Variants in TRIM37 observed in about 807,000 individuals in gnomAD.
TRIM37 encodes tripartite motif containing 37.
In TRIM37, 80 loss-of-function variants were observed where a neutral mutation model predicts 129.8. The ratio of observed to expected loss-of-function variants is 0.62; its 90% CI spans 0.51 to 0.74. The LOEUF (loss-of-function observed/expected upper bound fraction) is 0.74, where lower values mean the gene tolerates loss of function less well. TRIM37 is among the 30% of genes least tolerant of loss of function. The pLI, the probability that TRIM37 is intolerant of heterozygous loss-of-function variation, is 0.00. For missense variants in TRIM37, 1,054 were observed against 1,176.5 expected, an observed-to-expected ratio of 0.90 and a Z score of 1.52; for synonymous variants, 389 against 387.1, an observed-to-expected ratio of 1.00 and a Z score of -0.06.
chr17:59,088,247 A>C, intron 4 of TRIM37, 44 bp downstream of exon 4: 1 of 1,335,108 alleles, frequency 7.5e-7, no homozygotes. Context: ...AACAATACAA[A>C]GGCAAAATCC....
At chr17:59,007,231 C>CCACACACACACACACACACACA (rs35675752) in intron 22 of TRIM37, among the ~76,000 whole-genome samples, 15 of 97,544 alleles carry the variant, frequency 1.5e-4, no homozygotes, top group African/African-American at 4.9e-4. Context: ...CCCCACCCAC[C>CCACACACACACACACACACACA]CACACACACA....
chr17:59,087,285 A>G (rs2043844438), intron 4 of TRIM37, among the ~76,000 whole-genome samples: 1 of 151,716 alleles, frequency 6.6e-6, no homozygotes. Context: ...TAGTAGAGAC[A>G]GGGTTCTCCA....
Position 58,999,099 on chromosome 17 carries a change from G to C in TRIM37, c.*278C>G. On this transcript the variant is annotated 3_prime_UTR_variant, in exon 24 of 24. Transcript: ENST00000262294. ...AGCCTTCTGCTGTAGTAGACAAACT[G>C]CCTTTTGTGAATGTACAAATTTGCT... is the stretch of plus-strand genomic sequence containing the variant. 8.0e-7 allele frequency: 1 copy of C among 1,251,500 alleles called. No homozygotes were observed. The highest frequency in any genetic ancestry group is 1.0e-6 in the Non-Finnish European group (1 of 989,616). The allele number at this position is 1,251,500 out of a possible 1,614,324, so 77.5% of individuals were successfully genotyped here. A position where few individuals can be genotyped will look rare whatever the true frequency, so the allele number is the denominator to read the frequency against.
chr17:58,988,893 T>G (rs2032075359), intron 24 of TRIM37, among the ~76,000 whole-genome samples: 1 of 152,156 alleles, frequency 6.6e-6, no homozygotes, highest in African/African-American at 2.4e-5. Flanking sequence ...TAAAAGTAAT[T>G]TTGGTTCTTG....
intron 22 of TRIM37, among the ~76,000 whole-genome samples, chr17:59,005,578 C>T (rs2034375889): frequency 6.6e-6 from 1 of 152,194 alleles, no homozygotes; most frequent in African/African-American, 2.4e-5. Flanking sequence ...CCACCGCATC[C>T]AGCCTACATG....
intron 24 of TRIM37, chr17:58,983,251 A>G (rs1255130374): frequency 1.8e-5 from 4 of 220,004 alleles, no homozygotes; most frequent in African/African-American, 9.1e-5. Context: ...TGTGGTCGTT[A>G]TAAACCAATA....
downstream of TRIM37, among the ~76,000 whole-genome samples, chr17:58,979,675 A>G (rs2031248025): frequency 6.6e-6 from 1 of 152,162 alleles, no homozygotes; most frequent in Non-Finnish European, 1.5e-5. Context: ...TTTAGATCTG[A>G]CATTGTTGTT....
At chr17:59,045,440 C>T (rs936201222) in intron 16 of TRIM37, among the ~76,000 whole-genome samples, 2 of 151,676 alleles carry the variant, frequency 1.3e-5, no homozygotes, top group African/African-American at 2.4e-5. Context: ...GTGTTTGAGA[C>T]CAGCCTGGCC....
At chr17:59,091,523 T>C (rs1207090855) in intron 2 of TRIM37, among the ~76,000 whole-genome samples, 183 bp from the exon 3 acceptor site, 1 of 122,216 alleles carries the variant, frequency 8.2e-6, no homozygotes, top group African/African-American at 3.1e-5. Context: ...ATATATATAA[T>C]GTATAATGTA....
At chr17:59,101,651 T>G (rs1335657089) in intron 2 of TRIM37, among the ~76,000 whole-genome samples, 1 of 58,328 alleles carries the variant, frequency 1.7e-5, no homozygotes, top group Non-Finnish European at 3.0e-5. Flanking sequence ...AAACCCCATC[T>G]CTACAAAAAA....
rs2146914043 is a variant in TRIM37, at chr17:59,075,639, T to A, written c.684+8A>T. On this transcript the variant is annotated splice_region_variant and intron_variant, in intron 8 of 23. Transcript: ENST00000262294. Reference sequence around the variant, plus strand: ...AAGACTATTTCATTACATTTAATATTTCATCACCTGGTGCTCCACCTCCTG... The same window carrying A: ...AAGACTATTTCATTACATTTAATATATCATCACCTGGTGCTCCACCTCCTG... The A allele has an allele frequency of 6.3e-7, 1 of 1,589,430 alleles. No individual in the cohort carries two copies. Among genetic ancestry groups the A allele is most frequent in the African/African-American group, 1.3e-5 (1 of 74,514 alleles).
At chr17:59,011,617 A>G (rs1437751192) in intron 22 of TRIM37, among the ~76,000 whole-genome samples, 1 of 152,224 alleles carries the variant, frequency 6.6e-6, no homozygotes. Flanking sequence ...CAATACACAT[A>G]GCCTTGTTCT....
chr17:59,093,584 C>T (rs979183680), intron 2 of TRIM37, among the ~76,000 whole-genome samples: 6 of 152,188 alleles, frequency 3.9e-5, no homozygotes, highest in African/African-American at 1.4e-4. Flanking sequence ...TACTTTATTA[C>T]GACGACTTAT....
At chr17:59,054,210 G>C (rs2040613366) in intron 13 of TRIM37, among the ~76,000 whole-genome samples, 1 of 152,142 alleles carries the variant, frequency 6.6e-6, no homozygotes, top group Non-Finnish European at 1.5e-5. Context: ...TCTCAGTTCA[G>C]AACATATTTT....
intron 4 of TRIM37, among the ~76,000 whole-genome samples, 189 bp from the exon 5 acceptor site, chr17:59,084,278 C>G (rs190698625): frequency 1.3e-5 from 2 of 152,280 alleles, no homozygotes; most frequent in East Asian, 3.9e-4. Context: ...TTGTAAAGTA[C>G]TGTTTTCATT....
At chr17:59,052,671 T>C (rs187050661) in intron 13 of TRIM37, among the ~76,000 whole-genome samples, 80 of 151,778 alleles carry the variant, frequency 5.3e-4, no homozygotes, top group African/African-American at 1.9e-3. Context: ...AAGAGAGAGA[T>C]TGGCCGGGCA....
At chr17:58,983,118 T>C (rs962917790) in intron 24 of TRIM37, 21 of 553,688 alleles carry the variant, frequency 3.8e-5, no homozygotes, top group Non-Finnish European at 5.1e-5. Context: ...AATGGCTGGA[T>C]AGAACTGGGA....
chr17:59,016,415 A>C (rs1353709516), intron 20 of TRIM37, among the ~76,000 whole-genome samples: 2 of 150,200 alleles, frequency 1.3e-5, no homozygotes, highest in Admixed American at 1.3e-4. Flanking sequence ...AAAAAAAAAA[A>C]CTTCAAAAAT....
At chr17:58,969,764 A>T in the TRIM37 span, 7 of 1,590,558 alleles carry the variant, frequency 4.4e-6, no homozygotes, top group Middle Eastern at 1.7e-4. Flanking sequence ...CTAGAAATGT[A>T]CTAGCTGAGC....
Sources: allele counts gnomAD v4.1 joint callset (sites outside exome capture counted in the v4.1 genomes callset), GRCh38; gene constraint gnomAD v4.1.1; transcripts MANE v1.5; gene names NCBI Gene and HGNC (gene_info 2026-07-23, HGNC 2026-07-21).